The following ADCY2 variants were observed in gnomAD, a reference collection of about 807,000 sequenced individuals.
ADCY2 encodes the protein adenylate cyclase type 2.
In ADCY2, 31 loss-of-function variants were observed where a neutral mutation model predicts 125.2. The ratio of observed to expected loss-of-function variants is 0.25; its 90% CI spans 0.19 to 0.33. The LOEUF (loss-of-function observed/expected upper bound fraction) is 0.33, where lower values mean the gene tolerates loss of function less well. Ranked by LOEUF, ADCY2 falls within the 10% of genes least tolerant of loss-of-function variation. The pLI is 1.00. For missense variants in ADCY2, 904 were observed against 1,418.2 expected, an observed-to-expected ratio of 0.64 and a Z score of 5.82; for synonymous variants, 512 against 548.4, an observed-to-expected ratio of 0.93 and a Z score of 0.93.
chr5:7,576,313 A>G (rs1235324073), intron 3 of ADCY2, among the ~76,000 whole-genome samples: 1 of 152,228 alleles, frequency 6.6e-6, no homozygotes, highest in Non-Finnish European at 1.5e-5. Flanking sequence ...TGGAAAGTGT[A>G]TTCATGTACA....
intron 4 of ADCY2, among the ~76,000 whole-genome samples, chr5:7,652,894 T>C (rs1380554910): frequency 6.6e-6 from 1 of 152,140 alleles, no homozygotes; most frequent in Non-Finnish European, 1.5e-5. Context: ...TTCAGTGAGC[T>C]CTGTGAAGAG....
intron 2 of ADCY2, among the ~76,000 whole-genome samples, chr5:7,433,111 G>A (rs566282350): frequency 3.3e-5 from 5 of 151,998 alleles, no homozygotes; most frequent in Admixed American, 6.5e-5. Flanking sequence ...TTGGTGACTC[G>A]CCAAAAAACG....
chr5:7,773,140 T>G (rs749538878), intron 18 of ADCY2, 39 bp downstream of exon 18: 1 of 1,596,216 alleles, frequency 6.3e-7, no homozygotes, highest in South Asian at 1.1e-5. Context: ...TATAGTTCTT[T>G]CCCAGCCTGT....
At chr5:7,525,575 T>C (rs1561074147) in intron 3 of ADCY2, among the ~76,000 whole-genome samples, 1 of 152,126 alleles carries the variant, frequency 6.6e-6, no homozygotes, top group Non-Finnish European at 1.5e-5. Context: ...GAACAGCATT[T>C]AGAGGCATGA....
chr5:7,462,518 TAA>T (rs1741951211), intron 2 of ADCY2, among the ~76,000 whole-genome samples: 1 of 152,208 alleles, frequency 6.6e-6, no homozygotes, highest in Non-Finnish European at 1.5e-5. Flanking sequence ...CTCTCATTAT[TAA>T]AAAATACAGA....
chr5:7,791,983 C>T (rs981521574), intron 20 of ADCY2, among the ~76,000 whole-genome samples: 1 of 152,118 alleles, frequency 6.6e-6, no homozygotes, highest in African/African-American at 2.4e-5. Flanking sequence ...ACATTTCAGG[C>T]TCCAAGGGGC....
intron 5 of ADCY2, 64 bp downstream of exon 5, chr5:7,690,903 G>A (rs1489869283): frequency 4.2e-6 from 6 of 1,427,384 alleles, no homozygotes; most frequent in Non-Finnish European, 5.5e-6. Context: ...CATTTTGCCT[G>A]GGATCTCACA....
At chr5:7,631,723 G>C (rs946465160) in intron 4 of ADCY2, among the ~76,000 whole-genome samples, 1 of 152,190 alleles carries the variant, frequency 6.6e-6, no homozygotes, top group Non-Finnish European at 1.5e-5. Context: ...TGACCATGCT[G>C]AGGCATGGGG....
At chr5:7,791,307 G>A (rs763496777) in intron 20 of ADCY2, among the ~76,000 whole-genome samples, 3 of 152,018 alleles carry the variant, frequency 2.0e-5, no homozygotes, top group African/African-American at 4.8e-5. Context: ...GAGTGCATGC[G>A]CAAAAGAGGT....
At chr5:7,459,281 C>T (rs1429925230) in intron 2 of ADCY2, among the ~76,000 whole-genome samples, 1 of 152,216 alleles carries the variant, frequency 6.6e-6, no homozygotes, top group Non-Finnish European at 1.5e-5. Flanking sequence ...CTGGAGTGTT[C>T]TCTGCCCATT....
chr5:7,413,317 C>T (rs948511614), intron 1 of ADCY2, among the ~76,000 whole-genome samples: 5 of 151,936 alleles, frequency 3.3e-5, no homozygotes, highest in South Asian at 2.1e-4. Flanking sequence ...TTTTTTGAGA[C>T]GGAGTCTCGC....
chr5:7,718,014 T>G (rs1000232055), intron 12 of ADCY2, among the ~76,000 whole-genome samples: 3 of 152,214 alleles, frequency 2.0e-5, no homozygotes, highest in African/African-American at 7.2e-5. Flanking sequence ...TATGGAGACC[T>G]ATTTAATTTT....
intron 3 of ADCY2, among the ~76,000 whole-genome samples, chr5:7,532,572 C>T (rs1196286338): frequency 2.0e-5 from 3 of 152,132 alleles, no homozygotes; most frequent in Non-Finnish European, 4.4e-5. Flanking sequence ...TAAGCTTTCT[C>T]CTAGCTTTTG....
intron 3 of ADCY2, among the ~76,000 whole-genome samples, chr5:7,536,198 C>T (rs1734806065): frequency 6.6e-6 from 1 of 152,218 alleles, no homozygotes; most frequent in African/African-American, 2.4e-5. Context: ...TCTGGCCAAT[C>T]CTCCAGACTT....
intron 1 of ADCY2, among the ~76,000 whole-genome samples, chr5:7,405,764 A>T (rs976835129): frequency 1.3e-5 from 2 of 152,216 alleles, no homozygotes; most frequent in African/African-American, 2.4e-5. Context: ...TTGGATTTTT[A>T]AAAAAGCTGT....
chr5:7,638,416 A>T (rs965715003), intron 4 of ADCY2, among the ~76,000 whole-genome samples: 1 of 152,144 alleles, frequency 6.6e-6, no homozygotes, highest in African/African-American at 2.4e-5. Flanking sequence ...GACAAGGTTT[A>T]CTTAGTAGTG....
In ADCY2 at chr5:7,827,000, C is replaced by T; in HGVS notation, c.*129C>T. 1 of 1,153,376 alleles carries T rather than the reference C, an allele frequency of 8.7e-7. No individual in the cohort carries two copies. Among genetic ancestry groups the T allele is most frequent in the Non-Finnish European group, 1.2e-6 (1 of 827,930 alleles). 71.4% of individuals were successfully genotyped at this position (1,153,376 alleles called of 1,614,324 possible). ...CCTATGGAGCCTCTGCAGACTCGTT[C>T]TCGTGACCCAGTGGCATACCGTTTG... On this transcript the variant is annotated 3_prime_UTR_variant, in exon 25 of 25. Transcript: ENST00000338316.
rs1554029046 is a variant in ADCY2, at chr5:7,658,431, G to GTA, written c.720+32129_720+32130dup. Among the ~76,000 whole-genome samples, 110 of 143,000 alleles carry GTA rather than the reference G, an allele frequency of 7.7e-4. No homozygotes were observed. In the East Asian group the frequency reaches 0.011, roughly 14 times the overall value. 93.8% of individuals were successfully genotyped at this position (143,000 alleles called of 152,430 possible). On this transcript the variant is annotated intron_variant, in intron 4 of 24. Transcript: ENST00000338316. Reference sequence around the variant, plus strand: ...TGTGTGTGTGTGTGTGTGTGTGTGTGTATATATATATATATTTGAGATGGA... The same window carrying GTA: ...TGTGTGTGTGTGTGTGTGTGTGTGTGTATATATATATATATATTTGAGATGGA...
chr5:7,498,239 G>GTTTTTT (rs910360437), intron 2 of ADCY2, among the ~76,000 whole-genome samples: 2 of 62,114 alleles, frequency 3.2e-5, no homozygotes, highest in African/African-American at 5.6e-5. Context: ...TTCTTTTTTC[G>GTTTTTT]TTTTTTTTTT....
Sources: allele counts gnomAD v4.1 joint callset (sites outside exome capture counted in the v4.1 genomes callset), GRCh38; gene constraint gnomAD v4.1.1; transcripts MANE v1.5; gene names NCBI Gene and HGNC (gene_info 2026-07-23, HGNC 2026-07-21).